Variants in LRP1B observed in about 807,000 individuals in gnomAD.
LRP1B encodes the protein LDL receptor related protein 1B, also known as low-density lipoprotein receptor-related protein 1B.
Under a neutral mutation model 556.6 loss-of-function variants are expected in LRP1B, and 217 were observed. The observed-to-expected ratio is 0.39, with a 90% CI of 0.35 to 0.44. LRP1B has a LOEUF of 0.44. LRP1B is among the 20% of genes least tolerant of loss of function. The pLI, the probability that LRP1B is intolerant of heterozygous loss-of-function variation, is 1.00. For missense variants in LRP1B, 5,053 were observed against 5,620.8 expected, an observed-to-expected ratio of 0.90 and a Z score of 3.23; for synonymous variants, 2,047 against 1,865.8, an observed-to-expected ratio of 1.10 and a Z score of -2.50.
At chr2:142,044,383 T>G (rs1704180348) in intron 1 of LRP1B, among the ~76,000 whole-genome samples, 1 of 151,726 alleles carries the variant, frequency 6.6e-6, no homozygotes, top group African/African-American at 2.4e-5. Flanking sequence ...AGCTCCTGCT[T>G]GTTTTGGCAA....
At chr2:141,976,238 C>T (rs937183902) in intron 1 of LRP1B, among the ~76,000 whole-genome samples, 2 of 151,916 alleles carry the variant, frequency 1.3e-5, no homozygotes, top group African/African-American at 2.4e-5. Flanking sequence ...ATCTGAGACA[C>T]CTTTTGGCAA....
chr2:140,299,271 T>C (rs966919832), intron 83 of LRP1B, among the ~76,000 whole-genome samples: 1 of 152,084 alleles, frequency 6.6e-6, no homozygotes, highest in African/African-American at 2.4e-5. Context: ...TTCATATACA[T>C]TTTTAAGAAA....
At position 142,018,945 on chromosome 2, in the gene LRP1B, CA is replaced by C. The variant is rs199631200; in HGVS notation, c.82+111702del. ...TTTAATTAAAACGCACAGTAAAATT[CA>C]AATTAAGTTATGGTTTTAGGTTACA... On this transcript the variant is annotated intron_variant, in intron 1 of 90. Coordinates refer to ENST00000389484, the MANE Select transcript of LRP1B (RefSeq NM_018557.3). Among the ~76,000 whole-genome samples, 537 of 152,162 alleles carry C rather than the reference CA, an allele frequency of 3.5e-3. 10 individuals carry two copies. Among genetic ancestry groups the C allele is most frequent in the East Asian group, 0.034 (176 of 5,170 alleles).
intron 1 of LRP1B, among the ~76,000 whole-genome samples, chr2:142,108,760 C>G (rs552556282): frequency 6.6e-6 from 1 of 152,078 alleles, no homozygotes; most frequent in Non-Finnish European, 1.5e-5. Flanking sequence ...CTTTAATTTG[C>G]CATTAGTACA....
intron 59 of LRP1B, 51 bp downstream of exon 59, chr2:140,485,292 A>G (rs368682904): frequency 1.2e-4 from 174 of 1,412,618 alleles, no homozygotes; most frequent in Non-Finnish European, 5.3e-5. Flanking sequence ...ATTTACTACT[A>G]TGAATGTAAT....
chr2:140,471,565 C>G (rs189718551), intron 60 of LRP1B, among the ~76,000 whole-genome samples: 1 of 152,216 alleles, frequency 6.6e-6, no homozygotes, highest in Admixed American at 6.5e-5. Flanking sequence ...CATATATCTC[C>G]AATTTGATCT....
chr2:141,939,111 T>C (rs958823654), intron 1 of LRP1B, among the ~76,000 whole-genome samples: 3 of 151,656 alleles, frequency 2.0e-5, no homozygotes, highest in Admixed American at 6.6e-5. Context: ...ATAATGAAAA[T>C]TTGCTAGGAG....
intron 1 of LRP1B, among the ~76,000 whole-genome samples, chr2:141,888,997 G>A (rs1699204484): frequency 6.6e-6 from 1 of 152,094 alleles, no homozygotes; most frequent in South Asian, 2.1e-4. Flanking sequence ...AACCTGAAAA[G>A]CACTACAAAA....
At chr2:141,904,775 G>A (rs1699709230) in intron 1 of LRP1B, among the ~76,000 whole-genome samples, 1 of 151,790 alleles carries the variant, frequency 6.6e-6, no homozygotes, top group South Asian at 2.1e-4. Flanking sequence ...GAAACTAGAG[G>A]GACACAGACA....
rs541713166 is a variant in LRP1B, at chr2:141,677,802, T to C, written c.205+132477A>G. Among the ~76,000 whole-genome samples the C allele has an allele frequency of 7.2e-4, 110 of 152,324 alleles. 1 individual carries two copies. The highest frequency in any genetic ancestry group is 2.6e-3 in the African/African-American group (109 of 41,594). On this transcript the variant is annotated intron_variant, in intron 2 of 90. Transcript: ENST00000389484. ...CTGCACCTAGCCATATTTTTCTTTT[T>C]CTTAAAAGCATTAGGAAACATAAGC...
chr2:140,598,836 C>G lies in LRP1B; in HGVS notation c.6990-1G>C, dbSNP rs2105189806. On this transcript the variant is annotated splice_acceptor_variant, in intron 42 of 90. Coordinates refer to ENST00000389484, the MANE Select transcript of LRP1B (RefSeq NM_018557.3). LOFTEE classifies it high-confidence loss of function. ...ATTCCAGTTGGTCCAAAACATTAAA[C>G]TAATTAAAATGAAAATTGTAACTAT... 6.4e-7 allele frequency: 1 copy of G among 1,574,610 alleles called. No homozygotes were observed. The highest frequency in any genetic ancestry group is 8.7e-7 in the Non-Finnish European group (1 of 1,145,802).
chr2:140,548,849 CG>C (rs1680442219), intron 43 of LRP1B, among the ~76,000 whole-genome samples: 1 of 151,902 alleles, frequency 6.6e-6, no homozygotes, highest in Non-Finnish European at 1.5e-5. Context: ...CGCTTGAACC[CG>C]GGAGGCAAAG....
intron 1 of LRP1B, among the ~76,000 whole-genome samples, chr2:141,904,147 A>G (rs1018623199): frequency 6.6e-6 from 1 of 151,986 alleles, no homozygotes; most frequent in African/African-American, 2.4e-5. Flanking sequence ...ATTATGTGAT[A>G]GATAATTCAG....
intron 2 of LRP1B, among the ~76,000 whole-genome samples, chr2:141,683,628 C>T (rs893547966): frequency 2.0e-5 from 3 of 151,950 alleles, no homozygotes; most frequent in African/African-American, 7.3e-5. Flanking sequence ...CCTCTTGTTG[C>T]CTATTGTAAA....
intron 3 of LRP1B, among the ~76,000 whole-genome samples, chr2:141,392,292 C>A (rs75025630): frequency 0.034 from 5,125 of 151,966 alleles, 142 homozygotes; most frequent in Non-Finnish European, 0.047. Flanking sequence ...AGTGGGGCTG[C>A]ATTTTAGTAT....
chr2:141,821,049 A>G (rs902832998), intron 1 of LRP1B, among the ~76,000 whole-genome samples: 1 of 152,200 alleles, frequency 6.6e-6, no homozygotes, highest in African/African-American at 2.4e-5. Flanking sequence ...GAGCCAGGAA[A>G]GAAGAAGCTG....
chr2:141,859,575 T>TC (rs1247746930), intron 1 of LRP1B, among the ~76,000 whole-genome samples: 1 of 152,202 alleles, frequency 6.6e-6, no homozygotes, highest in Non-Finnish European at 1.5e-5. Flanking sequence ...AAAGTATGTT[T>TC]CCTGTTTAAA....
chr2:141,075,196 T>C (rs1010795765), intron 7 of LRP1B, among the ~76,000 whole-genome samples: 3 of 152,090 alleles, frequency 2.0e-5, no homozygotes, highest in Non-Finnish European at 2.9e-5. Flanking sequence ...ACCAGTTTGG[T>C]AGTTATGCAC....
At chr2:141,277,350 T>C (rs1488362370) in intron 3 of LRP1B, among the ~76,000 whole-genome samples, 1 of 152,216 alleles carries the variant, frequency 6.6e-6, no homozygotes, top group Non-Finnish European at 1.5e-5. Context: ...TGTGAGATGG[T>C]ATCTGACTGT....
Sources: gnomAD v4.1 joint callset for allele counts (sites outside exome capture counted in the v4.1 genomes callset) on GRCh38, gnomAD v4.1.1 for gene constraint, MANE v1.5 for transcripts, NCBI Gene and HGNC (gene_info 2026-07-23, HGNC 2026-07-21) for gene names.